Variants in SRL observed in about 807,000 individuals in gnomAD.
The protein encoded by SRL is sarcalumenin.
In SRL, 23 loss-of-function variants were observed where a neutral mutation model predicts 39.5. That is an observed-to-expected ratio of 0.58 (90% CI 0.42 to 0.82). The LOEUF (loss-of-function observed/expected upper bound fraction) is 0.82, where lower values mean the gene tolerates loss of function less well. SRL is among the 40% of genes least tolerant of loss of function. SRL has a pLI of 0.00. For missense variants in SRL, 592 were observed against 607.8 expected (o/e 0.97, Z 0.27); for synonymous variants, 272 against 237.4 (o/e 1.15, Z -1.34).
At chr16:4,234,961 C>A (rs1395046636) in intron 1 of SRL, among the ~76,000 whole-genome samples, 1 of 152,196 alleles carries the variant, frequency 6.6e-6, no homozygotes. Context: ...TCTTCTGAAT[C>A]CTCTGAAACA....
chr16:4,199,312 T>C (rs933032067), intron 3 of SRL, among the ~76,000 whole-genome samples: 1 of 151,974 alleles, frequency 6.6e-6, no homozygotes, highest in Non-Finnish European at 1.5e-5. Flanking sequence ...CATGTTATTT[T>C]AGACATTTTA....
At position 4,192,231 on chromosome 16, in the gene SRL, G is replaced by T. The variant is rs150521087; in HGVS notation, c.1344C>A (p.Leu448=). Residue 448 remains leucine, a synonymous_variant, in exon 6 of 6, where the codon CTC becomes CTA. Transcript: ENST00000399609. This position sits in a 1 kb window ranked among gnomAD's most constrained non-coding sequence, Gnocchi z 4.0. ...ELPGLLGSLG[L]GKNPGALNCD... Reference sequence around the variant, plus strand: ...AGTTGAGAGCACCTGGATTCTTCCCGAGCCCGAGGCTACCCAGGAGGCCCG... The same window carrying T: ...AGTTGAGAGCACCTGGATTCTTCCCTAGCCCGAGGCTACCCAGGAGGCCCG... 1.9e-6 allele frequency: 3 copies of T among 1,609,626 alleles called. No homozygotes were observed. The highest frequency in any genetic ancestry group is 4.5e-5 in the East Asian group (2 of 44,858).
intron 1 of SRL, among the ~76,000 whole-genome samples, chr16:4,215,989 T>A (rs2052455366): frequency 1.3e-5 from 2 of 151,752 alleles, no homozygotes; most frequent in Non-Finnish European, 2.9e-5. Context: ...TAAGCTTTGA[T>A]AACACCACTA....
In SRL at chr16:4,197,902, G is replaced by T; in HGVS notation, c.273C>A (p.Thr91=). 6.2e-7 allele frequency: 1 copy of T among 1,612,518 alleles called. No individual in the cohort carries two copies. The highest frequency in any genetic ancestry group is 8.5e-7 in the Non-Finnish European group (1 of 1,178,534). The change falls in exon 4 of 6, where the codon ACC becomes ACA. Residue 91 remains threonine, a synonymous_variant. Coordinates refer to ENST00000399609, the MANE Select transcript of SRL (RefSeq NM_001098814.2). ...CCAGGAACAGTACCATGGGCTTGGA[G>T]GTAATCTCTCCATCTGTGGGCAACA... ...RQHEITDGEI[T]SKPMVLFLGP...
intron 1 of SRL, among the ~76,000 whole-genome samples, chr16:4,233,073 C>A (rs780103473): frequency 6.6e-6 from 1 of 152,162 alleles, no homozygotes; most frequent in Non-Finnish European, 1.5e-5. Flanking sequence ...TCTGAGAGAG[C>A]GGGGAATAGG....
At chr16:4,193,673 C>G (rs1379156380) in intron 5 of SRL, among the ~76,000 whole-genome samples, 1 of 152,116 alleles carries the variant, frequency 6.6e-6, no homozygotes, top group Non-Finnish European at 1.5e-5. Context: ...AAATATAGGA[C>G]AGCACCTAAA....
chr16:4,203,130 G>C, intron 3 of SRL, 36 bp downstream of exon 3: 1 of 1,587,342 alleles, frequency 6.3e-7, no homozygotes. Flanking sequence ...CGCCGTACCC[G>C]TAATCTCAAG....
intron 1 of SRL, among the ~76,000 whole-genome samples, chr16:4,208,502 C>T (rs998016924): frequency 6.6e-6 from 1 of 152,118 alleles, no homozygotes; most frequent in Non-Finnish European, 1.5e-5. Flanking sequence ...TGCTCACGGG[C>T]GTGTGCAGCT....
At chr16:4,217,709 TC>T (rs2052476192) in intron 1 of SRL, among the ~76,000 whole-genome samples, 1 of 152,220 alleles carries the variant, frequency 6.6e-6, no homozygotes, top group South Asian at 2.1e-4. Flanking sequence ...GTTTTAAACA[TC>T]AGGTGGTGCT....
chr16:4,221,957 C>A (rs1289822393), intron 1 of SRL, among the ~76,000 whole-genome samples: 1 of 152,202 alleles, frequency 6.6e-6, no homozygotes, highest in African/African-American at 2.4e-5. Context: ...ATGGCCAGCC[C>A]CACTCCAGCA....
At position 4,199,869 on chromosome 16, in the gene SRL, G is replaced by A. The variant is rs951736380; in HGVS notation, c.260-1954C>T. On this transcript the variant is annotated intron_variant, in intron 3 of 5. Coordinates refer to ENST00000399609, the MANE Select transcript of SRL (RefSeq NM_001098814.2). ...GTGCCACCACGCCTGGCTAATTTTTGTATTTTTAGTAGAGATGGGGTTTTA... is the reference window on the plus strand; with the variant it reads ...GTGCCACCACGCCTGGCTAATTTTTATATTTTTAGTAGAGATGGGGTTTTA... 3.3e-5 allele frequency among the ~76,000 whole-genome samples: 5 copies of A among 151,492 alleles called. No individual in the cohort carries two copies. In the East Asian group the frequency reaches 7.8e-4, roughly 24 times the overall value.
chr16:4,224,893 T>A (rs75804859), intron 1 of SRL, among the ~76,000 whole-genome samples: 1 of 152,052 alleles, frequency 6.6e-6, no homozygotes, highest in South Asian at 2.1e-4. Context: ...ATCCACACAA[T>A]GCAATATTTC....
rs1322807785 is a variant in SRL, at chr16:4,190,701, G to T, written c.*1452C>A. 2.6e-6 allele frequency: 1 copy of T among 380,728 alleles called. No homozygotes were observed. Among genetic ancestry groups the T allele is most frequent in the African/African-American group, 2.1e-5 (1 of 48,266 alleles). The allele number at this position is 380,728 out of a possible 1,614,324, so 23.6% of individuals were successfully genotyped here. On this transcript the variant is annotated 3_prime_UTR_variant, in exon 6 of 6. Transcript: ENST00000399609. ...GAAGGCCCTGGCTTTCCTGCGGTGT[G>T]TTCAGTGGACATCTGCATCAAGGTC... is the stretch of plus-strand genomic sequence containing the variant.
At chr16:4,217,808 G>A (rs867334550) in intron 1 of SRL, among the ~76,000 whole-genome samples, 2 of 152,222 alleles carry the variant, frequency 1.3e-5, no homozygotes, top group Non-Finnish European at 2.9e-5. Context: ...TTTGCTGAGT[G>A]GGCCACAGCA....
chr16:4,236,939 C>G (rs1044460928), intron 1 of SRL, among the ~76,000 whole-genome samples: 1 of 151,542 alleles, frequency 6.6e-6, no homozygotes, highest in East Asian at 1.9e-4. Flanking sequence ...TGCACCCAGC[C>G]GTGAACTTTT....
chr16:4,225,312 G>A (rs955295064), intron 1 of SRL, among the ~76,000 whole-genome samples: 1 of 152,172 alleles, frequency 6.6e-6, no homozygotes, highest in Non-Finnish European at 1.5e-5. Context: ...GCCGGGTGTG[G>A]TGGCTCACCC....
chr16:4,192,995 G>C lies in SRL; in HGVS notation c.611-31C>G, dbSNP rs768896454. ...GGAGACAGAAGTGAGAAGTCAAACT[G>C]AGTAGGCCTCCCTCAAAGCCCGCGC... is the stretch of plus-strand genomic sequence containing the variant. On this transcript the variant is annotated intron_variant, in intron 5 of 5. Coordinates refer to ENST00000399609, the MANE Select transcript of SRL (RefSeq NM_001098814.2). The surrounding 1 kb of genome is among the most constrained non-coding windows in gnomAD (Gnocchi z 4.0). 1 of 1,576,988 alleles carries C rather than the reference G, an allele frequency of 6.3e-7. No homozygotes were observed. The highest frequency in any genetic ancestry group is 1.1e-5 in the South Asian group (1 of 88,118).
chr16:4,218,249 G>A (rs183221756), intron 1 of SRL, among the ~76,000 whole-genome samples: 24 of 152,198 alleles, frequency 1.6e-4, no homozygotes, highest in Admixed American at 1.5e-3. Flanking sequence ...CAACGCAAAC[G>A]CGCACTCAGG....
At position 4,203,282 on chromosome 16, in the gene SRL, G is replaced by A. The variant is rs775019044; in HGVS notation, c.164-21C>T. ...CACCGCTGGAGACAGAGAGGGCCGG[G>A]GGAAGAGCATCACGCAGGTGCGATC... is the stretch of plus-strand genomic sequence containing the variant. On this transcript the variant is annotated intron_variant, in intron 2 of 5. Transcript: ENST00000399609. The A allele has an allele frequency of 5.6e-6, 9 of 1,607,494 alleles. No individual in the cohort carries two copies. In the Admixed American group the frequency reaches 6.7e-5, roughly 12 times the overall value.
Sources: gnomAD v4.1 joint callset for allele counts (sites outside exome capture counted in the v4.1 genomes callset) on GRCh38, gnomAD v4.1.1 for gene constraint, Gnocchi (gnomAD v3.1) non-coding constraint, MANE v1.5 for transcripts, NCBI Gene and HGNC (gene_info 2026-07-23, HGNC 2026-07-21) for gene names.